PHF3: variants seen among roughly 807,000 people sequenced by gnomAD.
PHF3 encodes the protein PHD finger protein 3.
A neutral mutation model predicts 178.4 loss-of-function variants in PHF3; 41 were observed. That is an observed-to-expected ratio of 0.23 (90% CI 0.18 to 0.30). The LOEUF (loss-of-function observed/expected upper bound fraction) is 0.30. Among genes scored for constraint, PHF3 ranks in the 10% least tolerant of loss-of-function variants. The pLI is 1.00. For missense variants in PHF3, 2,346 were observed against 2,398.1 expected (o/e 0.98, Z 0.45); for synonymous variants, 842 against 800.5 (o/e 1.05, Z -0.88).
At position 63,713,005 on chromosome 6, in the gene PHF3, A is replaced by G. The variant is rs376632595; in HGVS notation, c.5417A>G (p.Gln1806Arg). Residue 1806 changes from glutamine (Q) to arginine (R), a missense_variant, in exon 16 of 16, where the codon CAG becomes CGG. Transcript: ENST00000262043. ...ATGAGGCCACAGCAGCCCAACCTTC[A>G]GCATCTCAAGTCTAGCCCACCTGGA... ...SPMRPQQPNL[Q>R]HLKSSPPGFP... 3 of 1,613,924 alleles carry G rather than the reference A, an allele frequency of 1.9e-6. No homozygotes were observed. The highest frequency in any genetic ancestry group is 2.7e-5 in the African/African-American group (2 of 74,876).
intron 8 of PHF3, among the ~76,000 whole-genome samples, chr6:63,699,044 C>T (rs1767360077): frequency 1.3e-5 from 2 of 152,042 alleles, no homozygotes; most frequent in Admixed American, 6.6e-5. Context: ...TAAGAAAATA[C>T]ATAACTTTAG....
chr6:63,674,881 C>T (rs1008183194), intron 2 of PHF3, among the ~76,000 whole-genome samples: 3 of 152,104 alleles, frequency 2.0e-5, no homozygotes, highest in African/African-American at 7.2e-5. Context: ...TGTGAAGAGT[C>T]CCTCCTGTTA....
chr6:63,666,600 C>G (rs1024878017), intron 2 of PHF3, among the ~76,000 whole-genome samples: 2 of 151,896 alleles, frequency 1.3e-5, no homozygotes, highest in African/African-American at 4.8e-5. Flanking sequence ...TGCATATAAC[C>G]TGTGCACATC....
intron 4 of PHF3, among the ~76,000 whole-genome samples, chr6:63,689,372 A>G (rs1370391619): frequency 5.9e-5 from 9 of 152,172 alleles, no homozygotes; most frequent in African/African-American, 2.2e-4. Context: ...AGTATATCAG[A>G]TAATATTTAA....
chr6:63,677,286 G>A (rs1482837450), intron 2 of PHF3, among the ~76,000 whole-genome samples: 3 of 152,054 alleles, frequency 2.0e-5, no homozygotes, highest in Non-Finnish European at 4.4e-5. Context: ...GAGTATGAGT[G>A]TAGATAAAGA....
At position 63,698,291 on chromosome 6, in the gene PHF3, G is replaced by T; in HGVS notation, c.2749G>T (p.Ala917Ser). ...EKGVLNVHPA[A>S]SASKPSADQI... ...AGGAGTGCTTAATGTACATCCTGCT[G>T]CTTCTGCTTCCAAGCCTTCTGCAGA... The change falls in exon 7 of 16, where the codon GCT becomes TCT. Residue 917 changes from alanine (A) to serine (S), a missense_variant. By Grantham distance (99) the Ala-to-Ser change is moderately conservative. This residue lies in a region of PHF3 where 252 missense variants were observed against 232.0 expected (regional missense o/e 1.09). Transcript: ENST00000262043. 8.1e-6 allele frequency: 13 copies of T among 1,613,010 alleles called. No homozygotes were observed. The highest frequency in any genetic ancestry group is 1.1e-5 in the Non-Finnish European group (13 of 1,179,196).
chr6:63,689,519 C>T (rs116249213), intron 4 of PHF3, among the ~76,000 whole-genome samples: 138 of 152,222 alleles, frequency 9.1e-4, no homozygotes, highest in African/African-American at 3.0e-3. Flanking sequence ...GTTTATGTGA[C>T]GTAGAATTCT....
Position 63,691,830 on chromosome 6 carries a change from CA to C in PHF3, c.2286del (p.Glu763AsnfsTer5). ...AAGCACAGCAGATGGGCGAGGAAGACAAAGAATATGTCTGTGTAAAATGTTG... is the reference window on the plus strand; with the variant it reads ...AAGCACAGCAGATGGGCGAGGAAGACAAGAATATGTCTGTGTAAAATGTTG... ...SQAQQMGEEDKEYVCVKCCAE... is the reference protein window; with the variant it reads ...SQAQQMGEEDXEYVCVKCCAE... On this transcript the variant is annotated frameshift_variant, in exon 5 of 16. Coordinates refer to ENST00000262043, the MANE Select transcript of PHF3 (RefSeq NM_001370348.2). LOFTEE classifies it high-confidence loss of function. 1 of 1,613,476 alleles carries C rather than the reference CA, an allele frequency of 6.2e-7. No homozygotes were observed. The highest frequency in any genetic ancestry group is 8.5e-7 in the Non-Finnish European group (1 of 1,179,788).
chr6:63,694,714 C>A lies in PHF3; in HGVS notation c.2630C>A (p.Pro877Gln). The A allele has an allele frequency of 6.3e-7, 1 of 1,595,954 alleles. No homozygotes were observed. Among genetic ancestry groups the A allele is most frequent in the Non-Finnish European group, 8.5e-7 (1 of 1,170,666 alleles). Residue 877 changes from proline (P) to glutamine (Q), a missense_variant, in exon 6 of 16, where the codon CCG becomes CAG. Transcript: ENST00000262043. ...TCAGAAGAAAAAAGTGAAAAAATAC[C>A]GAAAGAGTCTACAACTGTTACTTGC... ...RSSEEKSEKI[P>Q]KESTTVTCTG...
Position 63,685,879 on chromosome 6 carries a change from G to T in PHF3, c.2157G>T (p.Gln719His). 1 of 1,612,656 alleles carries T rather than the reference G, an allele frequency of 6.2e-7. No individual in the cohort carries two copies. The highest frequency in any genetic ancestry group is 8.5e-7 in the Non-Finnish European group (1 of 1,179,854). The stretch of plus-strand genomic sequence containing the variant: ...AATATATGTGGACTCCCAGCAAGCA[G>T]TGTGGGTTTTGCAAAAAACCACATG... ...ESKYMWTPSK[Q>H]CGFCKKPHGN... The change falls in exon 4 of 16, where the codon CAG becomes CAT. Residue 719 changes from glutamine to histidine, a missense_variant. By Grantham distance (24) the Gln-to-His change is conservative. This residue lies in a region of PHF3 where 72 missense variants were observed against 110.5 expected (regional missense o/e 0.65). Transcript: ENST00000262043.
chr6:63,712,847 A>G lies in PHF3; in HGVS notation c.5259A>G (p.Pro1753=). The G allele has an allele frequency of 2.5e-6, 4 of 1,614,036 alleles. No individual in the cohort carries two copies. Among genetic ancestry groups the G allele is most frequent in the Non-Finnish European group, 3.4e-6 (4 of 1,179,962 alleles). ...TGCAAAATATTGAAACTGTGCACCCATTTCGAAGAGGATCAGCAGTAGCGA... is the reference window on the plus strand; with the variant it reads ...TGCAAAATATTGAAACTGTGCACCCGTTTCGAAGAGGATCAGCAGTAGCGA... ...ILMQNIETVH[P]FRRGSAVATS... The change falls in exon 16 of 16, where the codon CCA becomes CCG. Residue 1753 remains proline, a synonymous_variant. Coordinates refer to ENST00000262043, the MANE Select transcript of PHF3 (RefSeq NM_001370348.2).
In PHF3 at chr6:63,706,115, G is replaced by C. The variant is rs530504247; in HGVS notation, c.3454G>C (p.Ala1152Pro). The C allele has an allele frequency of 6.2e-7, 1 of 1,613,836 alleles. No homozygotes were observed. Among genetic ancestry groups the C allele is most frequent in the Non-Finnish European group, 8.5e-7 (1 of 1,179,834 alleles). ...AGCTCGCAAACATTCAGACAATGAA[G>C]CAGAAAGTATAGCAGATGCATTATC... ...GVARKHSDNE[A>P]ESIADALSST... Residue 1152 changes from alanine (A) to proline (P), a missense_variant, in exon 12 of 16, where the codon GCA (alanine) becomes CCA (proline). Ala to Pro is a conservative substitution (Grantham distance 27). This residue lies in a region of PHF3 where 205 missense variants were observed against 212.4 expected (regional missense o/e 0.97). Coordinates refer to ENST00000262043, the MANE Select transcript of PHF3 (RefSeq NM_001370348.2).
intron 1 of PHF3, among the ~76,000 whole-genome samples, chr6:63,641,365 T>C (rs72884624): frequency 2.0e-3 from 308 of 152,246 alleles, no homozygotes; most frequent in Middle Eastern, 6.8e-3. Context: ...TGTATAACTT[T>C]TCTTGAGCGA....
At chr6:63,689,255 A>G (rs573820286) in intron 4 of PHF3, among the ~76,000 whole-genome samples, 17 of 152,246 alleles carry the variant, frequency 1.1e-4, no homozygotes, top group African/African-American at 3.8e-4. Context: ...AGGAAGTCTT[A>G]GTTTTTTCAT....
chr6:63,639,379 T>C (rs1764480651), intron 1 of PHF3, among the ~76,000 whole-genome samples: 1 of 152,206 alleles, frequency 6.6e-6, no homozygotes, highest in Non-Finnish European at 1.5e-5. Flanking sequence ...GAAAAGTTTG[T>C]AGCTGATAAA....
In PHF3 at chr6:63,723,788, CATTATTATTATTATTATTATT is replaced by C. The variant is rs57873412; in HGVS notation, c.*10108_*10128del. On this transcript the variant is annotated 3_prime_UTR_variant, in exon 16 of 16. Coordinates refer to ENST00000262043, the MANE Select transcript of PHF3 (RefSeq NM_001370348.2). ...GTTATGGGTCATAAGTACACATTGG[CATTATTATTATTATTATTATT>C]ATTATTATTATTATTATTATTATTA... Among the ~76,000 whole-genome samples, 869 of 138,170 alleles carry C rather than the reference CATTATTATTATTATTATTATT, an allele frequency of 6.3e-3. 10 individuals are homozygous for C. Among genetic ancestry groups the C allele is most frequent in the African/African-American group, 0.02 (758 of 37,446 alleles). 90.6% of individuals were successfully genotyped at this position (138,170 alleles called of 152,430 possible).
intron 4 of PHF3, among the ~76,000 whole-genome samples, chr6:63,689,739 T>C (rs1307709161): frequency 6.6e-6 from 1 of 152,176 alleles, no homozygotes; most frequent in Non-Finnish European, 1.5e-5. Flanking sequence ...CAAACCACTC[T>C]TCCCTGGTTG....
chr6:63,715,105 A>G lies in PHF3; in HGVS notation c.*1397A>G, dbSNP rs1768145089. On this transcript the variant is annotated 3_prime_UTR_variant, in exon 16 of 16. Coordinates refer to ENST00000262043, the MANE Select transcript of PHF3 (RefSeq NM_001370348.2). ...TTGATTGTTTTCCTAAAGAGCTTAAAGATTAGAGTTAAAAATTGGTTTTGA... is the reference window on the plus strand; with the variant it reads ...TTGATTGTTTTCCTAAAGAGCTTAAGGATTAGAGTTAAAAATTGGTTTTGA... The G allele has an allele frequency of 6.6e-6, 1 of 152,104 alleles. No homozygotes were observed. The highest frequency in any genetic ancestry group is 1.5e-5 in the Non-Finnish European group (1 of 67,990). 9.4% of individuals were successfully genotyped at this position (152,104 alleles called of 1,614,324 possible). A position where few individuals can be genotyped will look rare whatever the true frequency, so the allele number is the denominator to read the frequency against.
At position 63,724,593 on chromosome 6, in the gene PHF3, T is replaced by G. The variant is rs1464311968; in HGVS notation, c.*10885T>G. Among the ~76,000 whole-genome samples, 2 of 152,124 alleles carry G rather than the reference T, an allele frequency of 1.3e-5. No homozygotes were observed. The highest frequency in any genetic ancestry group is 4.8e-5 in the African/African-American group (2 of 41,450). On this transcript the variant is annotated 3_prime_UTR_variant, in exon 16 of 16. Coordinates refer to ENST00000262043, the MANE Select transcript of PHF3 (RefSeq NM_001370348.2). Reference sequence around the variant, plus strand: ...TTATATATCAAAAATCTTTTAAAGGTGTTAAATTTTTAGCAGAAATAGATG... The same window carrying G: ...TTATATATCAAAAATCTTTTAAAGGGGTTAAATTTTTAGCAGAAATAGATG...
Sources: allele counts gnomAD v4.1 joint callset (sites outside exome capture counted in the v4.1 genomes callset), GRCh38; gene constraint gnomAD v4.1.1; regional missense constraint gnomAD v4.1.1; transcripts MANE v1.5; gene names NCBI Gene and HGNC (gene_info 2026-07-23, HGNC 2026-07-21).